The following PPFIBP2 variants were observed in gnomAD, a reference collection of about 807,000 sequenced individuals.
PPFIBP2 encodes the protein liprin-beta-2.
Under a neutral mutation model 118.3 loss-of-function variants are expected in PPFIBP2, and 118 were observed. That is an observed-to-expected ratio of 1.00 (90% confidence interval 0.86 to 1.16). PPFIBP2 has a LOEUF of 1.16. PPFIBP2 is among the 50% of genes most tolerant of loss of function. PPFIBP2 has a pLI of 0.00. For missense variants in PPFIBP2, 1,195 were observed against 1,073.1 expected (o/e 1.11, Z -1.59); for synonymous variants, 414 against 397.4 (o/e 1.04, Z -0.50).
At chr11:7,587,913 A>T (rs946082350) in intron 3 of PPFIBP2, among the ~76,000 whole-genome samples, 3 of 152,232 alleles carry the variant, frequency 2.0e-5, no homozygotes, top group Non-Finnish European at 4.4e-5. Context: ...CCATTAAAGC[A>T]GGGTGCTGAT....
At chr11:7,578,508 G>C (rs756469241) in intron 3 of PPFIBP2, among the ~76,000 whole-genome samples, 9 of 152,238 alleles carry the variant, frequency 5.9e-5, no homozygotes, top group Non-Finnish European at 1.2e-4. Context: ...TTTTGTGTGA[G>C]TGCAGCAGCA....
chr11:7,553,972 C>G lies in PPFIBP2; in HGVS notation c.64+4433C>G, dbSNP rs1320303006. Among the ~76,000 whole-genome samples, 9 of 152,082 alleles carry G rather than the reference C, an allele frequency of 5.9e-5. 1 individual carries two copies. Among genetic ancestry groups the G allele is most frequent in the Admixed American group, 5.9e-4 (9 of 15,260 alleles). ...AGTGGTTTTGTTCTTGTCTCTCTTA[C>G]GTTATTTCTTCTAAGCAAGGGTTCC... On this transcript the variant is annotated intron_variant, in intron 2 of 23. Transcript: ENST00000299492.
downstream of PPFIBP2, chr11:7,653,785 G>C: frequency 8.4e-7 from 1 of 1,186,672 alleles, no homozygotes; most frequent in Non-Finnish European, 1.1e-6. Flanking sequence ...CTTTAACTTT[G>C]TTGGGGAAAA....
In PPFIBP2 at chr11:7,639,842, C is replaced by T. The variant is rs765647290; in HGVS notation, c.1347C>T (p.Asp449=). The change falls in exon 15 of 24, where the codon GAC becomes GAT. Residue 449 remains aspartate, a synonymous_variant. Transcript: ENST00000299492. ...AKSPPTICQP[D]ATGSSLLRLR... is the part of the protein sequence containing the mutation. The stretch of plus-strand genomic sequence containing the variant: ...CTCCTCCCACCATCTGCCAGCCTGA[C>T]GCCACGGGGAGCAGCCTGCTGAGGC... 2.8e-5 allele frequency: 45 copies of T among 1,614,032 alleles called. No individual in the cohort carries two copies. The highest frequency in any genetic ancestry group is 8.8e-5 in the South Asian group (8 of 91,076).
chr11:7,626,367 TCTTA>T (rs1850008259), intron 8 of PPFIBP2, among the ~76,000 whole-genome samples: 1 of 152,234 alleles, frequency 6.6e-6, no homozygotes, highest in African/African-American at 2.4e-5. Context: ...AGATTTCAAA[TCTTA>T]CTTCTCAGAA....
intron 5 of PPFIBP2, chr11:7,606,073 C>A: frequency 1.3e-6 from 2 of 1,500,682 alleles, no homozygotes; most frequent in Non-Finnish European, 1.8e-6. Context: ...TTGGTTCCTT[C>A]GGTTTGGGGA....
chr11:7,583,339 C>T (rs536998592), intron 3 of PPFIBP2, among the ~76,000 whole-genome samples: 10 of 152,234 alleles, frequency 6.6e-5, no homozygotes, highest in Middle Eastern at 6.8e-3. Flanking sequence ...TCTTTCATGC[C>T]GAAGAGACAC....
At chr11:7,656,179 C>T (rs1347171680), downstream of PPFIBP2, among the ~76,000 whole-genome samples, 1 of 152,190 alleles carries the variant, frequency 6.6e-6, no homozygotes, top group Non-Finnish European at 1.5e-5. Flanking sequence ...AGGAAAAGGC[C>T]AGCCACAGAG....
chr11:7,572,608 G>A (rs943876903), intron 3 of PPFIBP2, among the ~76,000 whole-genome samples: 6 of 152,182 alleles, frequency 3.9e-5, no homozygotes, highest in Non-Finnish European at 8.8e-5. Flanking sequence ...GTCTGAGCAC[G>A]TAGACACCCA....
the PPFIBP2 span, chr11:7,665,766 G>T: frequency 7.2e-7 from 1 of 1,398,182 alleles, no homozygotes; most frequent in Non-Finnish European, 9.7e-7. Flanking sequence ...GGACCCTGAA[G>T]CCCTGCTGCT....
chr11:7,664,134 A>G, the PPFIBP2 span, among the ~76,000 whole-genome samples: 2 of 152,120 alleles, frequency 1.3e-5, no homozygotes, highest in African/African-American at 4.8e-5. Context: ...GGAGCTGTAG[A>G]CCGGAGCTGT....
intron 2 of PPFIBP2, among the ~76,000 whole-genome samples, chr11:7,550,195 G>C (rs11041441): frequency 6.6e-6 from 1 of 152,136 alleles, no homozygotes; most frequent in Non-Finnish European, 1.5e-5. Flanking sequence ...TAGACCAAAC[G>C]TTTTGTTGGA....
chr11:7,590,100 C>A (rs1410064196), intron 3 of PPFIBP2, among the ~76,000 whole-genome samples: 2 of 152,192 alleles, frequency 1.3e-5, no homozygotes, highest in Non-Finnish European at 2.9e-5. Flanking sequence ...AAAGGCAAAT[C>A]CTTACCTTAG....
chr11:7,600,367 G>T (rs989570917), intron 5 of PPFIBP2, among the ~76,000 whole-genome samples: 2 of 152,214 alleles, frequency 1.3e-5, no homozygotes, highest in Non-Finnish European at 2.9e-5. Context: ...GATGCTGTTT[G>T]TGAAGACACT....
At chr11:7,577,647 C>T (rs1276842353) in intron 3 of PPFIBP2, 1 of 455,430 alleles carries the variant, frequency 2.2e-6, no homozygotes, top group African/African-American at 2.0e-5. Flanking sequence ...GGGTAAGTGA[C>T]TGGCTGCTTT....
chr11:7,612,454 CAGAGTT>C (rs1848182465), intron 6 of PPFIBP2, among the ~76,000 whole-genome samples: 1 of 152,176 alleles, frequency 6.6e-6, no homozygotes, highest in Non-Finnish European at 1.5e-5. Context: ...TGGAAGTATA[CAGAGTT>C]AGCACCAAGC....
intron 6 of PPFIBP2, among the ~76,000 whole-genome samples, chr11:7,611,624 T>A (rs1364952656): frequency 6.6e-6 from 1 of 152,250 alleles, no homozygotes; most frequent in Non-Finnish European, 1.5e-5. Context: ...GCTCAGTGGC[T>A]TTGTGACCTT....
chr11:7,568,948 T>A (rs1855329586), intron 3 of PPFIBP2: 1 of 152,248 alleles, frequency 6.6e-6, no homozygotes, highest in African/African-American at 2.4e-5. Context: ...AATCAACTGT[T>A]AGCAGAGGGG....
chr11:7,645,800 G>T (rs914568909), intron 17 of PPFIBP2, among the ~76,000 whole-genome samples: 5 of 152,166 alleles, frequency 3.3e-5, no homozygotes, highest in African/African-American at 1.2e-4. Flanking sequence ...TTCCCCTTTA[G>T]AGCTGAAATG....
Sources: allele counts gnomAD v4.1 joint callset (sites outside exome capture counted in the v4.1 genomes callset), GRCh38; gene constraint gnomAD v4.1.1; transcripts MANE v1.5; gene names NCBI Gene and HGNC (gene_info 2026-07-23, HGNC 2026-07-21).